The following SRI variants were observed in gnomAD, a reference collection of about 807,000 sequenced individuals.
The protein encoded by SRI is sorcin.
In SRI, 30 loss-of-function variants were observed where a neutral mutation model predicts 33.3. That is an observed-to-expected ratio of 0.90 (90% CI 0.67 to 1.22). SRI has a LOEUF of 1.22. SRI is among the 50% of genes most tolerant of loss of function. SRI has a pLI of 0.00. For missense variants in SRI, 243 were observed against 250.8 expected (o/e 0.97, Z 0.21); for synonymous variants, 75 against 89.9 (o/e 0.83, Z 0.94).
At chr7:88,223,420 G>A (rs1005324715), upstream of SRI, among the ~76,000 whole-genome samples, 1 of 152,088 alleles carries the variant, frequency 6.6e-6, no homozygotes, top group Non-Finnish European at 1.5e-5. Flanking sequence ...TACACCCAGG[G>A]GCAGGTAAAG....
chr7:88,210,464 T>C lies in SRI; in HGVS notation c.250-334A>G, dbSNP rs75358192. 9.6e-3 allele frequency: 3,917 copies of C among 406,752 alleles called. 33 individuals are homozygous for C. Among genetic ancestry groups the C allele is most frequent in the Non-Finnish European group, 0.013 (2,836 of 218,106 alleles). 25.2% of individuals were successfully genotyped at this position (406,752 alleles called of 1,614,324 possible). ...GGCTATGCTGTTTGCCCTTCTGTCC[T>C]AGCATCATCTCTGGTACTAATATTC... is the stretch of plus-strand genomic sequence containing the variant. On this transcript the variant is annotated intron_variant, in intron 4 of 7. Transcript: ENST00000265729.
At position 88,220,021 on chromosome 7, in the gene SRI, C is replaced by T. The variant is rs1851847290; in HGVS notation, c.6G>A (p.Ala2=). 1 of 1,532,032 alleles carries T rather than the reference C, an allele frequency of 6.5e-7. No individual in the cohort carries two copies. The highest frequency in any genetic ancestry group is 8.7e-7 in the Non-Finnish European group (1 of 1,144,962). 94.9% of individuals were successfully genotyped at this position (1,532,032 alleles called of 1,614,324 possible). Residue 2 remains alanine, a synonymous_variant, in exon 1 of 8, where the codon GCG becomes GCA. Coordinates refer to ENST00000265729, the MANE Select transcript of SRI (RefSeq NM_003130.4). M[A]YPGHPGAGGG... is the part of the protein sequence containing the mutation. Reference sequence around the variant, plus strand: ...CGCCGGCGCCAGGATGCCCCGGGTACGCCATGCTGCAGACTGCGCCGCAGC... The same window carrying T: ...CGCCGGCGCCAGGATGCCCCGGGTATGCCATGCTGCAGACTGCGCCGCAGC...
In SRI at chr7:88,205,164, T is replaced by C. The variant is rs370075871; in HGVS notation, c.*1314A>G. On this transcript the variant is annotated 3_prime_UTR_variant, in exon 8 of 8. Coordinates refer to ENST00000265729, the MANE Select transcript of SRI (RefSeq NM_003130.4). ...CATTAGTTGACAACTAGTTGTTCAG[T>C]TGAATGGTAAGTTTCACACTGCATC... The C allele has an allele frequency of 1.3e-5, 2 of 152,206 alleles. No individual in the cohort carries two copies. The highest frequency in any genetic ancestry group is 1.9e-4 in the East Asian group (1 of 5,204). 9.4% of individuals were successfully genotyped at this position (152,206 alleles called of 1,614,324 possible). A position where few individuals can be genotyped will look rare whatever the true frequency, so the allele number is the denominator to read the frequency against.
intron 7 of SRI, among the ~76,000 whole-genome samples, chr7:88,207,448 T>C (rs537352944): frequency 4.4e-4 from 67 of 152,376 alleles, no homozygotes; most frequent in African/African-American, 1.5e-3. Flanking sequence ...ATGCATCTTA[T>C]ATTTTGTAAT....
chr7:88,210,410 G>A (rs1851547173), intron 4 of SRI: 2 of 453,972 alleles, frequency 4.4e-6, no homozygotes, highest in Admixed American at 6.8e-5. Flanking sequence ...CTTGTTACTG[G>A]AACTAGGCTG....
chr7:88,208,403 T>C, intron 7 of SRI, 104 bp downstream of exon 7: 1 of 1,516,124 alleles, frequency 6.6e-7, no homozygotes, highest in South Asian at 1.3e-5. Flanking sequence ...CTTATGTCTC[T>C]GGCATCCTTA....
At chr7:88,209,473 TA>T in intron 5 of SRI, 21 bp from the exon 6 acceptor site, 1 of 1,581,212 alleles carries the variant, frequency 6.3e-7, no homozygotes, top group East Asian at 2.2e-5. Flanking sequence ...AGCCATCCAG[TA>T]AAAAGGTTAA....
intron 2 of SRI, 70 bp downstream of exon 2, chr7:88,218,789 T>C: frequency 6.8e-7 from 1 of 1,476,080 alleles, no homozygotes; most frequent in South Asian, 1.1e-5. Flanking sequence ...CGCTTTTCTG[T>C]GTCACTATAT....
Position 88,209,320 on chromosome 7 carries a change from A to G in SRI, c.511+19T>C. The G allele has an allele frequency of 1.3e-6, 2 of 1,592,108 alleles. No homozygotes were observed. The highest frequency in any genetic ancestry group is 2.2e-5 in the South Asian group (2 of 90,530). ...CTGTGTCTTGGCTTGTGGTGATGAC[A>G]CGACCTTATAGAACTCACCTGTAAG... is the stretch of plus-strand genomic sequence containing the variant. On this transcript the variant is annotated intron_variant, in intron 6 of 7. Transcript: ENST00000265729.
At chr7:88,224,965 C>G (rs972686286), upstream of SRI, among the ~76,000 whole-genome samples, 2 of 152,192 alleles carry the variant, frequency 1.3e-5, no homozygotes, top group African/African-American at 2.4e-5. Context: ...GTGGCTAGTG[C>G]TACCCTCTTG....
intron 3 of SRI, among the ~76,000 whole-genome samples, chr7:88,213,762 C>T (rs1851638736): frequency 6.6e-6 from 1 of 152,192 alleles, no homozygotes; most frequent in African/African-American, 2.4e-5. Context: ...TTTATATGTA[C>T]AACCCTCTTA....
At chr7:88,210,695 T>C (rs1851554795) in intron 4 of SRI, 187 bp downstream of exon 4, 1 of 579,550 alleles carries the variant, frequency 1.7e-6, no homozygotes, top group Non-Finnish European at 3.1e-6. Flanking sequence ...TGAACAACAT[T>C]CTGTTTACTA....
chr7:88,208,326 C>A (rs550435517), intron 7 of SRI, 181 bp downstream of exon 7: 1 of 1,377,150 alleles, frequency 7.3e-7, no homozygotes, highest in African/African-American at 1.5e-5. Flanking sequence ...CATGGTCTCA[C>A]TATAGTTAAG....
At chr7:88,219,895 C>G (rs1851841749) in intron 1 of SRI, 81 bp downstream of exon 1, 2 of 1,496,644 alleles carry the variant, frequency 1.3e-6, no homozygotes, top group East Asian at 5.2e-5. Context: ...GCGCCTCACC[C>G]CGCTGGCCGC....
rs773490358 is a variant in SRI at position 88,205,627 on chromosome 7, T to C, written c.*851A>G. The C allele has an allele frequency of 1.3e-5, 2 of 152,224 alleles. No individual in the cohort carries two copies. Among genetic ancestry groups the C allele is most frequent in the African/African-American group, 2.4e-5 (1 of 41,458 alleles). The allele number at this position is 152,224 out of a possible 1,614,324, so 9.4% of individuals were successfully genotyped here. The stretch of plus-strand genomic sequence containing the variant: ...GTAGCCAGATCAATGTTTTGGTACA[T>C]ACTTTCCGATACTCTGCTATGTGTA... On this transcript the variant is annotated 3_prime_UTR_variant, in exon 8 of 8. Transcript: ENST00000265729.
intron 3 of SRI, among the ~76,000 whole-genome samples, chr7:88,214,370 C>T (rs994690363): frequency 6.6e-6 from 1 of 152,150 alleles, no homozygotes; most frequent in African/African-American, 2.4e-5. Context: ...CCTTGAATTC[C>T]TTCTAAGCTG....
At chr7:88,207,218 C>A (rs1851455448) in intron 7 of SRI, among the ~76,000 whole-genome samples, 1 of 152,166 alleles carries the variant, frequency 6.6e-6, no homozygotes, top group Admixed American at 6.5e-5. Context: ...GTTTAGAAAT[C>A]TTTTAAGTAG....
chr7:88,221,233 T>G (rs1851881999), upstream of SRI, among the ~76,000 whole-genome samples: 1 of 152,222 alleles, frequency 6.6e-6, no homozygotes. Flanking sequence ...CGTGGGCTAT[T>G]GTCCTCATTC....
rs972912838 is a variant in SRI at position 88,219,876 on chromosome 7, C to T, written c.51+100G>A. Reference sequence around the variant, plus strand: ...CGAGGGCGGAAGGAGCCCGGGTAGCCGCCCAGCAGCGCCTCACCCCGCTGG... The same window carrying T: ...CGAGGGCGGAAGGAGCCCGGGTAGCTGCCCAGCAGCGCCTCACCCCGCTGG... On this transcript the variant is annotated intron_variant, in intron 1 of 7. Coordinates refer to ENST00000265729, the MANE Select transcript of SRI (RefSeq NM_003130.4). 4 of 1,416,152 alleles carry T rather than the reference C, an allele frequency of 2.8e-6. No individual in the cohort carries two copies. The South Asian group carries it at 3.8e-5, about 14-fold the overall frequency. The allele number at this position is 1,416,152 out of a possible 1,614,324, so 87.7% of individuals were successfully genotyped here. A position where few individuals can be genotyped will look rare whatever the true frequency, so the allele number is the denominator to read the frequency against.
Sources: allele counts gnomAD v4.1 joint callset (sites outside exome capture counted in the v4.1 genomes callset), GRCh38; gene constraint gnomAD v4.1.1; transcripts MANE v1.5; gene names NCBI Gene and HGNC (gene_info 2026-07-23, HGNC 2026-07-21).